RCAN2: variants seen among roughly 807,000 people sequenced by gnomAD.
The protein encoded by RCAN2 is calcipressin-2.
In RCAN2, 9 loss-of-function variants were observed where a neutral mutation model predicts 23.6. The observed-to-expected ratio is 0.38, with a 90% confidence interval of 0.23 to 0.67. The LOEUF is 0.67. Among genes scored for constraint, RCAN2 ranks in the 30% least tolerant of loss-of-function variants. The pLI is 0.51. For missense variants in RCAN2, 273 were observed against 302.3 expected, an observed-to-expected ratio of 0.90 and a Z score of 0.72; for synonymous variants, 109 against 115.7, an observed-to-expected ratio of 0.94 and a Z score of 0.37.
rs142947942 is a variant in RCAN2 at position 46,415,366 on chromosome 6, C to T, written c.225+41386G>A. ...CTTCTACAATGATTGGCTTGCAAGACGGTGACACCATAAATGAGATAAGGA... is the reference window on the plus strand; with the variant it reads ...CTTCTACAATGATTGGCTTGCAAGATGGTGACACCATAAATGAGATAAGGA... On this transcript the variant is annotated intron_variant, in intron 2 of 4. Coordinates refer to ENST00000371374, the MANE Select transcript of RCAN2 (RefSeq NM_001251974.2). Among the ~76,000 whole-genome samples the T allele has an allele frequency of 5.4e-3, 816 of 152,200 alleles. 9 individuals are homozygous for T. The highest frequency in any genetic ancestry group is 9.3e-3 in the South Asian group (45 of 4,816).
At chr6:46,275,518 C>T (rs1025061497) in intron 2 of RCAN2, among the ~76,000 whole-genome samples, 4 of 152,282 alleles carry the variant, frequency 2.6e-5, no homozygotes, top group Admixed American at 6.5e-5. Context: ...ACTCAGATGG[C>T]ACCCAAAGTC....
intron 2 of RCAN2, among the ~76,000 whole-genome samples, chr6:46,428,206 G>A (rs1226746291): frequency 6.6e-6 from 1 of 152,182 alleles, no homozygotes; most frequent in Non-Finnish European, 1.5e-5. Flanking sequence ...TTGCATCTAA[G>A]GGTACCAGCC....
intron 1 of RCAN2, among the ~76,000 whole-genome samples, chr6:46,487,684 CCTCTA>C (rs1769033412): frequency 6.6e-6 from 1 of 152,208 alleles, no homozygotes; most frequent in African/African-American, 2.4e-5. Context: ...CATGGAGATT[CCTCTA>C]CTTTAGTGCC....
At position 46,382,897 on chromosome 6, in the gene RCAN2, C is replaced by T. The variant is rs372733127; in HGVS notation, c.225+73855G>A. Among the ~76,000 whole-genome samples the T allele has an allele frequency of 7.2e-5, 11 of 152,088 alleles. No homozygotes were observed. In the South Asian group the frequency reaches 1.2e-3, roughly 17 times the overall value. On this transcript the variant is annotated intron_variant, in intron 2 of 4. Transcript: ENST00000371374. ...TGGTGTCCTTGAATTGCTCACCTAC[C>T]GATAGTTACAGGCACAGAAATGGAA... is the stretch of plus-strand genomic sequence containing the variant.
At chr6:46,464,180 A>G (rs1235598189) in intron 1 of RCAN2, among the ~76,000 whole-genome samples, 1 of 152,196 alleles carries the variant, frequency 6.6e-6, no homozygotes, top group Non-Finnish European at 1.5e-5. Flanking sequence ...AAGTAATAGA[A>G]AAGAAATGCC....
chr6:46,391,728 A>G (rs891920749), intron 2 of RCAN2, among the ~76,000 whole-genome samples: 3 of 152,200 alleles, frequency 2.0e-5, no homozygotes, highest in African/African-American at 7.2e-5. Flanking sequence ...TATTGAAGAT[A>G]AAAGTACCAT....
At chr6:46,261,040 G>A (rs1767093339) in intron 2 of RCAN2, among the ~76,000 whole-genome samples, 1 of 152,116 alleles carries the variant, frequency 6.6e-6, no homozygotes, top group African/African-American at 2.4e-5. Flanking sequence ...CCTAAAAGCT[G>A]ACAGCTTCAA....
At chr6:46,223,350 G>A (rs752950451) in intron 4 of RCAN2, 49 bp from the exon 5 acceptor site, 2 of 1,561,716 alleles carry the variant, frequency 1.3e-6, no homozygotes, top group South Asian at 2.3e-5. Flanking sequence ...GATTTCAAAA[G>A]AGATCCTGGA....
chr6:46,341,156 G>A (rs1219441882), intron 2 of RCAN2, among the ~76,000 whole-genome samples: 1 of 152,130 alleles, frequency 6.6e-6, no homozygotes, highest in Non-Finnish European at 1.5e-5. Flanking sequence ...AATACATTAT[G>A]ATTATATCTC....
chr6:46,223,142 C>T lies in RCAN2; in HGVS notation c.731G>A (p.Ter244=). The change falls in exon 5 of 5, where the codon TGA becomes TAA. Residue 244 remains the stop codon, a stop_retained_variant. Transcript: ENST00000371374. ...RPGLPPSVSN[*] is the part of the protein sequence containing the mutation. ...TATTATCGAGAAGGAGCAGGCAGCT[C>T]AGTTGGACACGGAGGGTGGCAGGCC... 2 of 1,612,968 alleles carry T rather than the reference C, an allele frequency of 1.2e-6. No individual in the cohort carries two copies. The highest frequency in any genetic ancestry group is 1.7e-6 in the Non-Finnish European group (2 of 1,179,876).
chr6:46,265,478 C>T (rs1477029492), intron 2 of RCAN2, among the ~76,000 whole-genome samples: 1 of 152,096 alleles, frequency 6.6e-6, no homozygotes, highest in African/African-American at 2.4e-5. Flanking sequence ...AGATAGTGTC[C>T]ACTATAATTA....
At chr6:46,239,245 T>C (rs1293964724) in intron 4 of RCAN2, among the ~76,000 whole-genome samples, 1 of 152,222 alleles carries the variant, frequency 6.6e-6, no homozygotes, top group Non-Finnish European at 1.5e-5. Context: ...TAGCTGCCTA[T>C]TCACAAGCTC....
At chr6:46,299,643 G>T (rs1214351374) in intron 2 of RCAN2, among the ~76,000 whole-genome samples, 1 of 151,954 alleles carries the variant, frequency 6.6e-6, no homozygotes, top group Non-Finnish European at 1.5e-5. Flanking sequence ...TAAAATAAAA[G>T]TAGTATTACC....
intron 2 of RCAN2, among the ~76,000 whole-genome samples, chr6:46,388,726 CT>C (rs1351242420): frequency 6.6e-6 from 1 of 152,144 alleles, no homozygotes; most frequent in Non-Finnish European, 1.5e-5. Flanking sequence ...CATGTTTTCC[CT>C]CATAAGTGGG....
intron 2 of RCAN2, among the ~76,000 whole-genome samples, chr6:46,272,595 C>A (rs544006530): frequency 6.6e-6 from 1 of 152,172 alleles, no homozygotes; most frequent in East Asian, 1.9e-4. Flanking sequence ...TAAAACAAAA[C>A]AATTGGAAAA....
intron 2 of RCAN2, among the ~76,000 whole-genome samples, chr6:46,284,886 T>A (rs1257684805): frequency 6.6e-6 from 1 of 152,242 alleles, no homozygotes; most frequent in Non-Finnish European, 1.5e-5. Context: ...AATACTCAAC[T>A]GTTAAGATGC....
intron 4 of RCAN2, among the ~76,000 whole-genome samples, chr6:46,244,124 C>G (rs571979281): frequency 9.2e-5 from 14 of 152,004 alleles, no homozygotes; most frequent in Non-Finnish European, 1.2e-4. Flanking sequence ...AAAGCAGGGC[C>G]CTTCAAAAAT....
chr6:46,459,923 G>A (rs1014089664), intron 1 of RCAN2, among the ~76,000 whole-genome samples: 2 of 152,052 alleles, frequency 1.3e-5, no homozygotes, highest in Non-Finnish European at 2.9e-5. Context: ...TAATTTCAGA[G>A]CAAGGCAATT....
chr6:46,395,583 C>T (rs1766065298), intron 2 of RCAN2, among the ~76,000 whole-genome samples: 1 of 152,182 alleles, frequency 6.6e-6, no homozygotes, highest in East Asian at 1.9e-4. Context: ...CAGATTGTTT[C>T]AGTAATATAC....
Sources: gnomAD v4.1 joint callset for allele counts (sites outside exome capture counted in the v4.1 genomes callset) on GRCh38, gnomAD v4.1.1 for gene constraint, MANE v1.5 for transcripts, NCBI Gene and HGNC (gene_info 2026-07-23, HGNC 2026-07-21) for gene names.